The following PROP1 variants were observed in gnomAD, a reference collection of about 807,000 sequenced individuals.
PROP1 encodes the protein PROP paired-like homeobox 1.
Under a neutral mutation model 22.3 loss-of-function variants are expected in PROP1, and 12 were observed. The observed-to-expected ratio is 0.54, with a 90% CI of 0.34 to 0.87. The LOEUF is 0.87. PROP1 is among the 40% of genes least tolerant of loss of function. The pLI is 0.01. For synonymous variants in PROP1, 112 were observed against 116.7 expected, an observed-to-expected ratio of 0.96 and a Z score of 0.26; for missense variants, 278 against 295.1, an observed-to-expected ratio of 0.94 and a Z score of 0.43.
At chr5:177,993,138 A>G (rs772591323) in intron 2 of PROP1, 91 bp from the exon 3 acceptor site, 32 of 1,120,036 alleles carry the variant, frequency 2.9e-5, no homozygotes, top group Non-Finnish European at 4.1e-5. Context: ...GACAGGGAGC[A>G]GGCTTCTCCA....
At chr5:177,994,709 G>T (rs374238098) in intron 1 of PROP1, among the ~76,000 whole-genome samples, 2 of 152,042 alleles carry the variant, frequency 1.3e-5, no homozygotes, top group East Asian at 3.9e-4. Flanking sequence ...CAAAGTGCTG[G>T]GATTATAGGC....
At chr5:177,993,097 G>T in intron 2 of PROP1, 50 bp from the exon 3 acceptor site, 1 of 1,475,244 alleles carries the variant, frequency 6.8e-7, no homozygotes, top group Non-Finnish European at 9.4e-7. Context: ...CATAGGTGGT[G>T]ACACCCTACT....
chr5:177,992,771 G>A lies in PROP1; in HGVS notation c.619C>T (p.Pro207Ser), dbSNP rs1562023914. ...TLHPAPAGHL[P>S]CPPPPPMLPL... ...AGCATGGGAGGGGGTGGGGGGCAGG[G>A]CAGATGGCCGGCAGGGGCTGGGTGC... Residue 207 changes from proline (P) to serine (S), a missense_variant, in exon 3 of 3, where the codon CCC (proline) becomes TCC (serine). Coordinates refer to ENST00000308304, the MANE Select transcript of PROP1 (RefSeq NM_006261.5). The A allele has an allele frequency of 1.8e-6, 2 of 1,086,662 alleles. No homozygotes were observed. Among genetic ancestry groups the A allele is most frequent in the Middle Eastern group, 2.8e-4 (1 of 3,554 alleles). The allele number at this position is 1,086,662 out of a possible 1,614,324, so 67.3% of individuals were successfully genotyped here.
rs535352345 is a variant in PROP1 at position 177,994,313 on chromosome 5, C to T, written c.135G>A (p.Arg45=). 5.6e-6 allele frequency: 9 copies of T among 1,607,498 alleles called. No individual in the cohort carries two copies. In the African/African-American group the frequency reaches 8.0e-5, roughly 14 times the overall value. The change falls in exon 2 of 3, where the codon AGG becomes AGA. Residue 45 remains arginine, a synonymous_variant. Transcript: ENST00000308304. ...TVDSSAPPCR[R]LPGAGGGRSR... ...ATCTCCCCCCTCCTGCACCAGGGAG[C>T]CTTCTGCAGGGTGGAGCACTCGAGT...
At position 177,996,196 on chromosome 5, in the gene PROP1, G is replaced by C. The variant is rs1286070779; in HGVS notation, c.-263C>G. The stretch of plus-strand genomic sequence containing the variant: ...CTGCCTCAGCCTCACCTGTTGCTCT[G>C]TTTCTGACTACTTTTCTCTGCCTGG... On this transcript the variant is annotated 5_prime_UTR_variant, in exon 1 of 3. Transcript: ENST00000308304. 1.9e-6 allele frequency: 1 copy of C among 528,722 alleles called. No homozygotes were observed. Among genetic ancestry groups the C allele is most frequent in the Non-Finnish European group, 3.4e-6 (1 of 293,142 alleles). The allele number at this position is 528,722 out of a possible 1,614,324, so 32.8% of individuals were successfully genotyped here.
At chr5:177,994,015 T>C in intron 2 of PROP1, 91 bp downstream of exon 2, 1 of 1,382,018 alleles carries the variant, frequency 7.2e-7, no homozygotes, top group Non-Finnish European at 1.0e-6. Flanking sequence ...CTGGTGACCA[T>C]TTAGGTTAGG....
In PROP1 at chr5:177,995,887, C is replaced by T. The variant is rs372313496; in HGVS notation, c.47G>A (p.Arg16Gln). 8.7e-6 allele frequency: 14 copies of T among 1,613,970 alleles called. No individual in the cohort carries two copies. The African/African-American group carries it at 1.3e-4, about 15-fold the overall frequency. ...CTCAGGCAACAGGTTGCTGCCGACTCGCCCCTTCTTTGGCTTCTCAGCCTG... is the reference window on the plus strand; with the variant it reads ...CTCAGGCAACAGGTTGCTGCCGACTTGCCCCTTCTTTGGCTTCTCAGCCTG... ...RRQAEKPKKG[R>Q]VGSNLLPERH... Residue 16 changes from arginine (R) to glutamine (Q), a missense_variant, in exon 1 of 3, where the codon CGA becomes CAA. Coordinates refer to ENST00000308304, the MANE Select transcript of PROP1 (RefSeq NM_006261.5).
Position 177,994,275 on chromosome 5 carries a change from G to T in PROP1, c.173C>A (p.Pro58Gln), listed in dbSNP as rs757417780. 2.4e-5 allele frequency: 38 copies of T among 1,613,502 alleles called. No homozygotes were observed. In the East Asian group the frequency reaches 7.8e-4, roughly 33 times the overall value. The change falls in exon 2 of 3, where the codon CCG becomes CAG. Residue 58 changes from proline (P) to glutamine (Q), a missense_variant. Transcript: ENST00000308304. ...CGGGCGGCCCCTCTGTCCTCCTTGCGGGGAGAACCTTGATCTCCCCCCTCC... is the reference window on the plus strand; with the variant it reads ...CGGGCGGCCCCTCTGTCCTCCTTGCTGGGAGAACCTTGATCTCCCCCCTCC... ...GAGGGRSRFS[P>Q]QGGQRGRPHS... is the part of the protein sequence containing the mutation.
chr5:177,994,047 T>C (rs1755689304), intron 2 of PROP1, 59 bp downstream of exon 2: 4 of 1,578,730 alleles, frequency 2.5e-6, no homozygotes, highest in Admixed American at 1.7e-5. Context: ...CAACATTCTA[T>C]GATAGCACCA....
chr5:177,993,818 T>C (rs1023797351), intron 2 of PROP1, among the ~76,000 whole-genome samples: 2 of 152,084 alleles, frequency 1.3e-5, no homozygotes, highest in African/African-American at 4.8e-5. Context: ...CCATCCAGCT[T>C]GGCCTCCCAA....
chr5:177,994,935 T>C (rs10039307), intron 1 of PROP1, among the ~76,000 whole-genome samples: 150,032 of 152,156 alleles, frequency 0.99, 74,017 homozygotes, highest in Middle Eastern at 1. Flanking sequence ...CCTATTGCAC[T>C]GCCAGACACA....
In PROP1 at chr5:177,995,937, T is replaced by C; in HGVS notation, c.-4A>G. On this transcript the variant is annotated 5_prime_UTR_variant, in exon 1 of 3. Coordinates refer to ENST00000308304, the MANE Select transcript of PROP1 (RefSeq NM_006261.5). ...GGCGCCTCCTTTCTGCTTCCATGGC[T>C]CGCCACGGGGACCAAGTGTCCCTGA... 1 of 1,611,106 alleles carries C rather than the reference T, an allele frequency of 6.2e-7. No homozygotes were observed. The highest frequency in any genetic ancestry group is 8.5e-7 in the Non-Finnish European group (1 of 1,178,058).
chr5:177,995,769 C>A, intron 1 of PROP1, 56 bp downstream of exon 1: 1 of 1,354,750 alleles, frequency 7.4e-7, no homozygotes, highest in East Asian at 2.3e-5. Context: ...CCTATGCTTT[C>A]AGCCTCACAC....
chr5:177,992,889 G>A lies in PROP1; in HGVS notation c.501C>T (p.Phe167=), dbSNP rs2113059884. 1.2e-6 allele frequency: 2 copies of A among 1,613,832 alleles called. No individual in the cohort carries two copies. The highest frequency in any genetic ancestry group is 1.7e-4 in the Middle Eastern group (1 of 6,010). The part of the protein sequence containing the change: ...YAAPPPPVTC[F]PHPYSHALPS... ...GGAGGGCATGGCTGTAGGGGTGAGG[G>A]AAGCAGGTCACTGGTGGTGGTGGTG... The change falls in exon 3 of 3, where the codon TTC becomes TTT. Residue 167 remains phenylalanine, a synonymous_variant. Transcript: ENST00000308304.
At position 177,996,063 on chromosome 5, in the gene PROP1, ATG is replaced by A; in HGVS notation, c.-132_-131del. ...CCACCCTCTGGGACTCTGTCTCTGA[ATG>A]TGTGTGTAGGTGCAGGCAGCTGTCT... On this transcript the variant is annotated 5_prime_UTR_variant, in exon 1 of 3. Coordinates refer to ENST00000308304, the MANE Select transcript of PROP1 (RefSeq NM_006261.5). 2 of 779,790 alleles carry A rather than the reference ATG, an allele frequency of 2.6e-6. No homozygotes were observed. Among genetic ancestry groups the A allele is most frequent in the Non-Finnish European group, 4.4e-6 (2 of 452,748 alleles). The allele number at this position is 779,790 out of a possible 1,614,324, so 48.3% of individuals were successfully genotyped here. A position where few individuals can be genotyped will look rare whatever the true frequency, so the allele number is the denominator to read the frequency against.
Position 177,992,815 on chromosome 5 carries a change from T to A in PROP1, c.575A>T (p.Glu192Val). Residue 192 changes from glutamate to valine, a missense_variant, in exon 3 of 3, where the codon GAG becomes GTG. Glu to Val is a moderately radical substitution (Grantham distance 121). Coordinates refer to ENST00000308304, the MANE Select transcript of PROP1 (RefSeq NM_006261.5). Reference protein sequence around the residue: ...GGAFALSHQSEDWYPTLHPAP... With the variant: ...GGAFALSHQSVDWYPTLHPAP... The stretch of plus-strand genomic sequence containing the variant: ...TGGGTGCAAGGTAGGGTACCAGTCC[T>A]CAGACTGGTGTGACAAAGCAAAGGC... The A allele has an allele frequency of 6.2e-7, 1 of 1,609,314 alleles. No individual in the cohort carries two copies. Among genetic ancestry groups the A allele is most frequent in the South Asian group, 1.1e-5 (1 of 90,708 alleles).
At chr5:177,995,156 C>G (rs1324889278) in intron 1 of PROP1, among the ~76,000 whole-genome samples, 2 of 152,040 alleles carry the variant, frequency 1.3e-5, no homozygotes, top group Non-Finnish European at 2.9e-5. Flanking sequence ...AAGATGGGCA[C>G]CCCCCTCTTC....
intron 1 of PROP1, among the ~76,000 whole-genome samples, chr5:177,995,365 C>T (rs1310344153): frequency 6.6e-6 from 1 of 152,060 alleles, no homozygotes; most frequent in African/African-American, 2.4e-5. Flanking sequence ...CTGGAAGGCG[C>T]ACACCAAGAA....
chr5:177,993,997 G>T, intron 2 of PROP1, 109 bp downstream of exon 2: 1 of 1,142,216 alleles, frequency 8.8e-7, no homozygotes, highest in Non-Finnish European at 1.3e-6. Flanking sequence ...GTGAGATGAG[G>T]CCTGTGTCTG....
Sources: gnomAD v4.1 joint callset for allele counts (sites outside exome capture counted in the v4.1 genomes callset) on GRCh38, gnomAD v4.1.1 for gene constraint, MANE v1.5 for transcripts, NCBI Gene and HGNC (gene_info 2026-07-23, HGNC 2026-07-21) for gene names.